CNTN6: variants seen among roughly 807,000 people sequenced by gnomAD.
CNTN6 encodes contactin 6, also known as contactin-6.
A neutral mutation model predicts 122.8 loss-of-function variants in CNTN6; 137 were observed. That is an observed-to-expected ratio of 1.12 (90% confidence interval 0.97 to 1.29). The LOEUF (loss-of-function observed/expected upper bound fraction) is 1.29. Ranked by LOEUF, CNTN6 falls within the 50% of genes most tolerant of loss-of-function variation. The pLI, the probability that CNTN6 is intolerant of heterozygous loss-of-function variation, is 0.00. For synonymous variants in CNTN6, 570 were observed against 426.0 expected, an observed-to-expected ratio of 1.34 and a Z score of -4.16; for missense variants, 1,634 against 1,223.4, an observed-to-expected ratio of 1.34 and a Z score of -5.01.
rs1381984251 is a variant in CNTN6, at chr3:1,191,484, C to A, written c.56-29203C>A. Among the ~76,000 whole-genome samples the A allele has an allele frequency of 2.0e-5, 3 of 152,170 alleles. No individual in the cohort carries two copies. In the East Asian group the frequency reaches 5.8e-4, roughly 29 times the overall value. ...GCATCCATGTGCCAGGTGGGTGGTG[C>A]ACCCCAACTCCACAGGGACAGAATC... On this transcript the variant is annotated intron_variant, in intron 2 of 22. Coordinates refer to ENST00000446702, the MANE Select transcript of CNTN6 (RefSeq NM_001289080.2).
chr3:1,376,253 T>C (rs1312438355), intron 16 of CNTN6, among the ~76,000 whole-genome samples: 1 of 152,120 alleles, frequency 6.6e-6, no homozygotes, highest in Non-Finnish European at 1.5e-5. Context: ...CAGCATTTCC[T>C]CAGTTTTACA....
intron 20 of CNTN6, among the ~76,000 whole-genome samples, chr3:1,386,286 C>A (rs750199793): frequency 6.6e-6 from 1 of 152,000 alleles, no homozygotes; most frequent in East Asian, 1.9e-4. Flanking sequence ...CATTTGAGTC[C>A]GAGTATATTC....
chr3:1,125,750 G>A (rs1392834621), intron 1 of CNTN6, among the ~76,000 whole-genome samples: 1 of 151,328 alleles, frequency 6.6e-6, no homozygotes, highest in Admixed American at 6.6e-5. Context: ...GTAAATTAAA[G>A]CTTAGCTTTC....
At chr3:1,309,951 CA>C (rs1698971551) in intron 7 of CNTN6, among the ~76,000 whole-genome samples, 1 of 152,112 alleles carries the variant, frequency 6.6e-6, no homozygotes, top group African/African-American at 2.4e-5. Flanking sequence ...CTGGTATAAA[CA>C]AAAGTTAACT....
Position 1,226,952 on chromosome 3 carries a change from T to A in CNTN6, c.183-866T>A, listed in dbSNP as rs570597332. On this transcript the variant is annotated intron_variant, in intron 3 of 22. Transcript: ENST00000446702. ...TGCCCTAGGAATGTATCTCATTAGA[T>A]ATATACGATTCATGCTTCAAAATAT... Among the ~76,000 whole-genome samples the A allele has an allele frequency of 4.6e-5, 7 of 152,300 alleles. No individual in the cohort carries two copies. In the East Asian group the frequency reaches 1.2e-3, roughly 25 times the overall value.
At position 1,147,980 on chromosome 3, in the gene CNTN6, G is replaced by T. The variant is rs375128743; in HGVS notation, c.-29G>T. The T allele has an allele frequency of 2.0e-5, 32 of 1,583,874 alleles. No individual in the cohort carries two copies. In the African/African-American group the frequency reaches 2.8e-4, roughly 14 times the overall value. ...CTGTTTTGTTCCACCTGATTGTATG[G>T]GAGAAATTTTTGACCTTAGAAAGTG... On this transcript the variant is annotated 5_prime_UTR_variant, in exon 2 of 23. It introduces an in-frame stop codon into an upstream open reading frame of the 5' UTR. Transcript: ENST00000446702.
At chr3:1,337,732 C>T (rs143529237) in intron 11 of CNTN6, among the ~76,000 whole-genome samples, 29 of 152,176 alleles carry the variant, frequency 1.9e-4, no homozygotes, top group Middle Eastern at 3.4e-3. Context: ...ATTGTTCATA[C>T]TCAACTCCTG....
At chr3:1,160,261 A>T (rs1291880168) in intron 2 of CNTN6, among the ~76,000 whole-genome samples, 1 of 151,180 alleles carries the variant, frequency 6.6e-6, no homozygotes, top group African/African-American at 2.4e-5. Flanking sequence ...CCATGGCTGG[A>T]TCCCAGAAGC....
rs1195799629 is a variant in CNTN6, at chr3:1,220,707, C to T, written c.76C>T (p.Pro26Ser). The stretch of plus-strand genomic sequence containing the variant: ...CCCAGGTGATGGTCTTTTAAGCCGT[C>T]CTATTTTTACTCAGGAGCCACATGA... ...SSAGDGLLSRPIFTQEPHDVI... is the reference protein window; with the variant it reads ...SSAGDGLLSRSIFTQEPHDVI... Residue 26 changes from proline (P) to serine (S), a missense_variant, in exon 3 of 23, where the codon CCT becomes TCT. Physicochemically the swap from Pro to Ser is moderately conservative, Grantham distance 74. Transcript: ENST00000446702. 1 of 1,611,226 alleles carries T rather than the reference C, an allele frequency of 6.2e-7. No homozygotes were observed. Among genetic ancestry groups the T allele is most frequent in the Non-Finnish European group, 8.5e-7 (1 of 1,178,884 alleles).
intron 12 of CNTN6, among the ~76,000 whole-genome samples, chr3:1,354,030 T>G (rs1706124664): frequency 6.6e-6 from 1 of 151,456 alleles, no homozygotes; most frequent in Admixed American, 6.6e-5. Flanking sequence ...AATGGTAGAT[T>G]GAACTGAATG....
intron 4 of CNTN6, among the ~76,000 whole-genome samples, chr3:1,264,685 C>A (rs955302659): frequency 2.0e-5 from 3 of 151,514 alleles, no homozygotes; most frequent in Admixed American, 2.0e-4. Flanking sequence ...AATTTGTCAC[C>A]CCACATACTT....
chr3:1,227,706 T>G, intron 3 of CNTN6, 112 bp from the exon 4 acceptor site: 1 of 1,148,820 alleles, frequency 8.7e-7, no homozygotes, highest in Non-Finnish European at 1.3e-6. Flanking sequence ...CCACATGTAA[T>G]CATGTTTTTT....
At chr3:1,132,200 A>G (rs1185711853) in intron 1 of CNTN6, among the ~76,000 whole-genome samples, 1 of 152,138 alleles carries the variant, frequency 6.6e-6, no homozygotes, top group Non-Finnish European at 1.5e-5. Flanking sequence ...TCTGAATAAC[A>G]TCTTGTAATA....
chr3:1,376,234 A>G (rs1315155072), intron 16 of CNTN6, among the ~76,000 whole-genome samples: 1 of 152,126 alleles, frequency 6.6e-6, no homozygotes, highest in Non-Finnish European at 1.5e-5. Context: ...ACAATACCAT[A>G]TACACACTCA....
At chr3:1,257,193 C>T (rs2094773402) in intron 4 of CNTN6, among the ~76,000 whole-genome samples, 1 of 152,082 alleles carries the variant, frequency 6.6e-6, no homozygotes, top group Admixed American at 6.6e-5. Context: ...TAAATTGGGT[C>T]TTTGCCTAGT....
intron 7 of CNTN6, among the ~76,000 whole-genome samples, chr3:1,300,507 G>GAGAAAGAA (rs369448560): frequency 7.4e-6 from 1 of 134,298 alleles, no homozygotes; most frequent in African/African-American, 3.0e-5. Context: ...AGAAAAGAAA[G>GAGAAAGAA]AGAAAGAAAG....
Position 1,402,469 on chromosome 3 carries a change from G to C in CNTN6, c.2969G>C (p.Arg990Thr). ...GATGGAAGCAGCAGTGAGGAAATTA[G>C]GATTCCAAAAATGTCAAGTAAGTTG... ...GGDGSSSEEIRIPKMSSLSSR... is the reference protein window; with the variant it reads ...GGDGSSSEEITIPKMSSLSSR... The change falls in exon 22 of 23, where the codon AGG becomes ACG. Residue 990 changes from arginine to threonine, a missense_variant. Coordinates refer to ENST00000446702, the MANE Select transcript of CNTN6 (RefSeq NM_001289080.2). 6.2e-7 allele frequency: 1 copy of C among 1,608,258 alleles called. No individual in the cohort carries two copies. Among genetic ancestry groups the C allele is most frequent in the Non-Finnish European group, 8.5e-7 (1 of 1,176,080 alleles).
rs766820042 is a variant in CNTN6 at position 1,321,745 on chromosome 3, A to T, written c.857A>T (p.Asn286Ile). The T allele has an allele frequency of 1.4e-5, 22 of 1,611,812 alleles. No homozygotes were observed. The highest frequency in any genetic ancestry group is 1.8e-5 in the Non-Finnish European group (21 of 1,178,664). Residue 286 changes from asparagine to isoleucine, a missense_variant, in exon 8 of 23, where the codon AAC becomes ATC. Physicochemically the swap from Asn to Ile is moderately radical, Grantham distance 149. Coordinates refer to ENST00000446702, the MANE Select transcript of CNTN6 (RefSeq NM_001289080.2). ...TCCCAAGCTATCCTTGAAATCCCGA[A>T]CTTCCAACAAGAAGATGAAGGCTTT... is the stretch of plus-strand genomic sequence containing the variant. ...SKSQAILEIPNFQQEDEGFYE... is the reference protein window; with the variant it reads ...SKSQAILEIPIFQQEDEGFYE...
At chr3:1,161,456 T>C (rs1182592998) in intron 2 of CNTN6, among the ~76,000 whole-genome samples, 6 of 151,114 alleles carry the variant, frequency 4.0e-5, no homozygotes, top group Non-Finnish European at 8.8e-5. Flanking sequence ...AATTATGATA[T>C]TATATATTTT....
Sources: allele counts gnomAD v4.1 joint callset (sites outside exome capture counted in the v4.1 genomes callset), GRCh38; gene constraint gnomAD v4.1.1; transcripts MANE v1.5; gene names NCBI Gene and HGNC (gene_info 2026-07-23, HGNC 2026-07-21).